OXA1L: variants seen among roughly 807,000 people sequenced by gnomAD.
The protein encoded by OXA1L is OXA1L mitochondrial inner membrane insertase, also known as mitochondrial inner membrane protein OXA1L.
Under a neutral mutation model 52.2 loss-of-function variants are expected in OXA1L, and 42 were observed. The ratio of observed to expected loss-of-function variants is 0.80; its 90% CI spans 0.63 to 1.04. The LOEUF is 1.04. Among genes scored for constraint, OXA1L ranks in the 50% least tolerant of loss-of-function variants. OXA1L has a pLI of 0.00. For synonymous variants in OXA1L, 239 were observed against 201.9 expected (o/e 1.18, Z -1.56); for missense variants, 572 against 555.0 (o/e 1.03, Z -0.31).
Position 22,766,888 on chromosome 14 carries a change from C to T in OXA1L, c.63+124C>T, listed in dbSNP as rs189468741. The T allele has an allele frequency of 3.2e-6, 5 of 1,545,728 alleles. No homozygotes were observed. In the East Asian group the frequency reaches 6.9e-5, roughly 21 times the overall value. Reference sequence around the variant, plus strand: ...GCTCACCGGGACCTGAATGTCATGACCTCGGGTCATGTGAGGACGCGCTAG... The same window carrying T: ...GCTCACCGGGACCTGAATGTCATGATCTCGGGTCATGTGAGGACGCGCTAG... On this transcript the variant is annotated intron_variant, in intron 1 of 9. Transcript: ENST00000612549.
intron 2 of OXA1L, 113 bp from the exon 3 acceptor site, chr14:22,767,845 T>C (rs2038422638): frequency 1.3e-6 from 1 of 784,352 alleles, no homozygotes; most frequent in South Asian, 2.1e-5. Flanking sequence ...TAGGCTAACC[T>C]GGAAGAACAA....
At chr14:22,766,933 G>C (rs45616941) in intron 1 of OXA1L, 169 bp downstream of exon 1, 5 of 1,512,342 alleles carry the variant, frequency 3.3e-6, no homozygotes, top group Non-Finnish European at 4.4e-6. Context: ...CCGACACTAT[G>C]GGCCCAGCAG....
At position 22,768,080 on chromosome 14, in the gene OXA1L, G is replaced by A. The variant is rs1312662911; in HGVS notation, c.348G>A (p.Leu116=). The part of the protein sequence containing the change: ...AAEQSFAELG[L]GSYTPVGLIQ... ...AGCAGAGCTTCGCTGAACTGGGGCT[G>A]GGGTCATACACCCCAGTGGGACTGA... The change falls in exon 3 of 10, where the codon CTG becomes CTA. Residue 116 remains leucine (L), a synonymous_variant. Transcript: ENST00000612549. 2.5e-6 allele frequency: 4 copies of A among 1,614,004 alleles called. No individual in the cohort carries two copies. Among genetic ancestry groups the A allele is most frequent in the Non-Finnish European group, 2.5e-6 (3 of 1,179,882 alleles).
intron 3 of OXA1L, 52 bp from the exon 4 acceptor site, chr14:22,769,739 C>T (rs2038440883): frequency 6.2e-7 from 1 of 1,603,682 alleles, no homozygotes; most frequent in African/African-American, 1.3e-5. Flanking sequence ...CTTCAACCTT[C>T]TAGCTGCAGA....
intron 3 of OXA1L, 111 bp downstream of exon 3, chr14:22,768,282 G>T (rs1175863187): frequency 2.6e-6 from 2 of 778,832 alleles, no homozygotes; most frequent in East Asian, 2.6e-5. Flanking sequence ...AAGAGCAGAT[G>T]ATTTCAAATG....
Position 22,766,758 on chromosome 14 carries a change from G to A in OXA1L, c.57G>A (p.Gly19=). The change falls in exon 1 of 10, where the codon GGG becomes GGA. Residue 19 remains glycine (G), a synonymous_variant. Transcript: ENST00000612549. ...AGCTTCTGCGCTTGCTACAGTCCGG[G>A]CGTCGGGTAAGGATGCCCCGGGGCA... ...RRELLRLLQS[G]RRVHSVAGPS... is the part of the protein sequence containing the mutation. The A allele has an allele frequency of 1.9e-6, 3 of 1,614,202 alleles. No homozygotes were observed. Among genetic ancestry groups the A allele is most frequent in the East Asian group, 4.5e-5 (2 of 44,886 alleles).
intron 5 of OXA1L, 86 bp downstream of exon 5, chr14:22,770,364 A>C (rs1006353743): frequency 6.5e-7 from 1 of 1,543,304 alleles, no homozygotes; most frequent in Non-Finnish European, 8.9e-7. Flanking sequence ...TCCCCCAAAA[A>C]ACAGGTGGTG....
At position 22,771,076 on chromosome 14, in the gene OXA1L, TC is replaced by T; in HGVS notation, c.1000del (p.Arg334GlyfsTer29). 1 of 1,614,152 alleles carries T rather than the reference TC, an allele frequency of 6.2e-7. No individual in the cohort carries two copies. Among genetic ancestry groups the T allele is most frequent in the Non-Finnish European group, 8.5e-7 (1 of 1,180,016 alleles). ...TTTTCCCTGGTCCAAGTATCCTGTC[TC>T]CGGATTCCAGCAGTACGCACTGTAC... ...NLFSLVQVSCLRIPAVRTVLK... is the reference protein window; with the variant it reads ...NLFSLVQVSCXRIPAVRTVLK... On this transcript the variant is annotated frameshift_variant, in exon 8 of 10. Transcript: ENST00000612549. LOFTEE classifies it high-confidence loss of function.
chr14:22,771,527 C>T lies in OXA1L; in HGVS notation c.1277C>T (p.Ser426Leu), dbSNP rs374755715. ...NIPSSSSKPKSKYPWHDTLG is the reference protein window; with the variant it reads ...NIPSSSSKPKLKYPWHDTLG ...CCTAGCAGCAGCAGCAAACCAAAGT[C>T]AAAGTATCCCTGGCACGACACACTT... The change falls in exon 10 of 10, where the codon TCA becomes TTA. Residue 426 changes from serine to leucine, a missense_variant. Ser to Leu is a moderately radical substitution (Grantham distance 145). Transcript: ENST00000612549. The T allele has an allele frequency of 1.9e-6, 3 of 1,614,106 alleles. No individual in the cohort carries two copies. Among genetic ancestry groups the T allele is most frequent in the South Asian group, 2.2e-5 (2 of 91,076 alleles).
Position 22,769,877 on chromosome 14 carries a change from A to G in OXA1L, c.526A>G (p.Ile176Val). The change falls in exon 4 of 10, where the codon ATC (isoleucine) becomes GTC (valine). Residue 176 changes from isoleucine to valine, a missense_variant. By Grantham distance (29) the Ile-to-Val change is conservative. This residue lies in a region of OXA1L where 132 missense variants were observed against 124.0 expected (regional missense o/e 1.06). Coordinates refer to ENST00000612549, the MANE Select transcript of OXA1L (RefSeq NM_005015.5). The part of the protein sequence containing the change: ...AARIHNHLPE[I>V]QKFSSRIREA... ...CAGGATCCACAATCACTTGCCAGAGATCCAGAAGTTTTCCAGTCGAATCAG... is the reference window on the plus strand; with the variant it reads ...CAGGATCCACAATCACTTGCCAGAGGTCCAGAAGTTTTCCAGTCGAATCAG... 6.2e-7 allele frequency: 1 copy of G among 1,614,150 alleles called. No homozygotes were observed. Among genetic ancestry groups the G allele is most frequent in the South Asian group, 1.1e-5 (1 of 91,086 alleles).
intron 3 of OXA1L, chr14:22,768,477 C>G (rs1203725744): frequency 1.1e-5 from 4 of 354,870 alleles, no homozygotes; most frequent in Non-Finnish European, 2.1e-5. Flanking sequence ...TCAGGTCAGG[C>G]ACTTAAACCC....
Position 22,771,161 on chromosome 14 carries a change from C to T in OXA1L, c.1083C>T (p.Phe361=). Residue 361 remains phenylalanine (F), a synonymous_variant, in exon 8 of 10, where the codon TTC becomes TTT. Coordinates refer to ENST00000612549, the MANE Select transcript of OXA1L (RefSeq NM_005015.5). ...ACAAATTACCTCCACGGGAAGGCTT[C>T]CTAGAGAGCTTCAAAAAAGGTAAGG... ...DLDKLPPREG[F]LESFKKGWKN... is the part of the protein sequence containing the mutation. 3 of 1,614,040 alleles carry T rather than the reference C, an allele frequency of 1.9e-6. No homozygotes were observed. Among genetic ancestry groups the T allele is most frequent in the Middle Eastern group, 3.3e-4 (2 of 6,062 alleles).
Position 22,770,871 on chromosome 14 carries a change from C to T in OXA1L, c.901C>T (p.Pro301Ser), listed in dbSNP as rs779321199. Residue 301 changes from proline to serine, a missense_variant, in exon 7 of 10, where the codon CCC (proline) becomes TCC (serine). Coordinates refer to ENST00000612549, the MANE Select transcript of OXA1L (RefSeq NM_005015.5). ...GATGAGAAATGTCATCAGAATGATG[C>T]CCCTGATAACCTTGCCCATAACCAT... Reference protein sequence around the residue: ...QWMRNVIRMMPLITLPITMHF... With the variant: ...QWMRNVIRMMSLITLPITMHF... 18 of 1,614,116 alleles carry T rather than the reference C, an allele frequency of 1.1e-5. No homozygotes were observed. Among genetic ancestry groups the T allele is most frequent in the Non-Finnish European group, 1.4e-5 (17 of 1,179,948 alleles).
Position 22,768,181 on chromosome 14 carries a change from A to C in OXA1L, c.439+10A>C, listed in dbSNP as rs760641628. On this transcript the variant is annotated intron_variant, in intron 3 of 9. Transcript: ENST00000612549. The stretch of plus-strand genomic sequence containing the variant: ...GGGGCCATTGCTGCATGTAAGGGGA[A>C]TATACCCTGGACATGGGTTAGGGAT... 2 of 1,604,098 alleles carry C rather than the reference A, an allele frequency of 1.2e-6. No homozygotes were observed. Among genetic ancestry groups the C allele is most frequent in the Admixed American group, 3.3e-5 (2 of 59,998 alleles).
chr14:22,770,060 G>A, intron 4 of OXA1L, 126 bp downstream of exon 4: 1 of 1,411,716 alleles, frequency 7.1e-7, no homozygotes, highest in East Asian at 2.3e-5. Flanking sequence ...AGGTTTATCT[G>A]TTTCTTAGAC....
intron 7 of OXA1L, 32 bp downstream of exon 7, chr14:22,770,941 C>A: frequency 1.2e-6 from 2 of 1,611,798 alleles, no homozygotes; most frequent in African/African-American, 1.3e-5. Context: ...GGCTCCAAGG[C>A]CTTCTGCCTA....
rs141437641 is a variant in OXA1L, at chr14:22,767,337, A to T, written c.153A>T (p.Pro51=). The change falls in exon 2 of 10, where the codon CCA becomes CCT. Residue 51 remains proline, a synonymous_variant. Transcript: ENST00000612549. The stretch of plus-strand genomic sequence containing the variant: ...CAGCAGCCCCGTGCTGCTGTCGCCC[A>T]CACTACCTCTTCCTTGCGGCTTCCG... The part of the protein sequence containing the change: ...LFPAAPCCCR[P]HYLFLAASGP... The T allele has an allele frequency of 5.6e-6, 9 of 1,613,746 alleles. No homozygotes were observed. The African/African-American group carries it at 1.2e-4, about 22-fold the overall frequency.
In OXA1L at chr14:22,771,744, T is replaced by C; in HGVS notation, c.*186T>C. 1.6e-6 allele frequency: 1 copy of C among 638,150 alleles called. No homozygotes were observed. Among genetic ancestry groups the C allele is most frequent in the Non-Finnish European group, 2.7e-6 (1 of 365,556 alleles). The allele number at this position is 638,150 out of a possible 1,614,324, so 39.5% of individuals were successfully genotyped here. The stretch of plus-strand genomic sequence containing the variant: ...TATAAGAGAGCACTGGGTAGCCAAG[T>C]GATCTTCCCATTCACAGAGTTAGTA... On this transcript the variant is annotated 3_prime_UTR_variant, in exon 10 of 10. Transcript: ENST00000612549.
chr14:22,766,740 G>C lies in OXA1L; in HGVS notation c.39G>C (p.Leu13=), dbSNP rs1162930942. 4 of 1,614,262 alleles carry C rather than the reference G, an allele frequency of 2.5e-6. No homozygotes were observed. The highest frequency in any genetic ancestry group is 2.2e-5 in the East Asian group (1 of 44,888). ...MGLMCGRREL[L]RLLQSGRRVH... ...TAATGTGCGGACGCCGGGAGCTTCT[G>C]CGCTTGCTACAGTCCGGGCGTCGGG... Residue 13 remains leucine, a synonymous_variant, in exon 1 of 10, where the codon CTG becomes CTC. Coordinates refer to ENST00000612549, the MANE Select transcript of OXA1L (RefSeq NM_005015.5).
Sources: gnomAD v4.1 joint callset for allele counts on GRCh38, gnomAD v4.1.1 for gene constraint, gnomAD v4.1.1 regional missense constraint, MANE v1.5 for transcripts, NCBI Gene and HGNC (gene_info 2026-07-23, HGNC 2026-07-21) for gene names.